The following PRRC2B variants were observed in gnomAD, a reference collection of about 807,000 sequenced individuals.
PRRC2B encodes the protein protein PRRC2B.
PRRC2B carries 68 observed loss-of-function variants against 242.3 expected under a neutral mutation model. The ratio of observed to expected loss-of-function variants is 0.28; its 90% CI spans 0.23 to 0.34. The LOEUF is 0.34. PRRC2B is among the 10% of genes least tolerant of loss of function. The pLI is 1.00. For missense variants in PRRC2B, 2,835 were observed against 2,954.8 expected (o/e 0.96, Z 0.94); for synonymous variants, 1,228 against 1,173.6 (o/e 1.05, Z -0.95).
At position 131,475,136 on chromosome 9, in the gene PRRC2B, T is replaced by C. The variant is rs1240226007; in HGVS notation, c.3007T>C (p.Leu1003=). 2 of 1,612,894 alleles carry C rather than the reference T, an allele frequency of 1.2e-6. No individual in the cohort carries two copies. The highest frequency in any genetic ancestry group is 2.2e-5 in the South Asian group (2 of 90,836). The change falls in exon 16 of 32, where the codon TTG becomes CTG. Residue 1003 remains leucine (L), a synonymous_variant. Coordinates refer to ENST00000683519, the MANE Select transcript of PRRC2B (RefSeq NM_013318.4). ...TCTGGCCAACTCCTCCACCACCACT[T>C]TGGAGGACAAAGGCCCTGGCCATGC... ...ASLANSSTTT[L]EDKGPGHATF... is the part of the protein sequence containing the mutation.
At chr9:131,401,150 GTT>G in intron 1 of PRRC2B, among the ~76,000 whole-genome samples, 1 of 151,850 alleles carries the variant, frequency 6.6e-6, no homozygotes, top group South Asian at 2.1e-4. Flanking sequence ...GTAAATAGGT[GTT>G]TTTTTCTTTA....
intron 2 of PRRC2B, among the ~76,000 whole-genome samples, chr9:131,431,922 T>G (rs1195705064): frequency 6.6e-6 from 1 of 152,034 alleles, no homozygotes; most frequent in Non-Finnish European, 1.5e-5. Flanking sequence ...TTTTAAAATT[T>G]ATTTATTTAT....
At chr9:131,465,299 G>C (rs1169842713) in intron 12 of PRRC2B, among the ~76,000 whole-genome samples, 3 of 152,154 alleles carry the variant, frequency 2.0e-5, no homozygotes, top group Admixed American at 2.0e-4. Flanking sequence ...TTTAGTTTCA[G>C]GGGGTACATT....
intron 22 of PRRC2B, 133 bp from the exon 23 acceptor site, chr9:131,483,226 A>G (rs180873012): frequency 1.2e-6 from 1 of 860,438 alleles, no homozygotes; most frequent in Admixed American, 2.2e-5. Flanking sequence ...CATCTCGCTC[A>G]TATGTGGCTC....
chr9:131,396,317 TTTC>T (rs1358253601), intron 1 of PRRC2B, among the ~76,000 whole-genome samples: 1 of 141,016 alleles, frequency 7.1e-6, no homozygotes, highest in Admixed American at 7.2e-5. Flanking sequence ...TCTTTTTTCT[TTTC>T]TTTTCTTTTT....
chr9:131,395,944 T>C (rs1253008379), intron 1 of PRRC2B, among the ~76,000 whole-genome samples: 2 of 152,208 alleles, frequency 1.3e-5, no homozygotes, highest in Non-Finnish European at 2.9e-5. Context: ...ATAACTGCTT[T>C]CCTTGGGGAT....
At chr9:131,420,499 T>TCTTTCTTTCTTTCCTTTC (rs889470295) in intron 1 of PRRC2B, among the ~76,000 whole-genome samples, 1 of 84,494 alleles carries the variant, frequency 1.2e-5, no homozygotes. Flanking sequence ...CTTTCTTTTT[T>TCTTTCTTTCTTTCCTTTC]TTTTTTTTTT....
chr9:131,399,700 CTG>C (rs575296778), intron 1 of PRRC2B, among the ~76,000 whole-genome samples: 87 of 152,330 alleles, frequency 5.7e-4, no homozygotes, highest in African/African-American at 2.1e-3. Context: ...CTGATAATGT[CTG>C]TGTTTTCTAA....
upstream of PRRC2B, among the ~76,000 whole-genome samples, chr9:131,389,666 A>C (rs1272014629): frequency 6.7e-6 from 1 of 149,936 alleles, no homozygotes; most frequent in Non-Finnish European, 1.5e-5. Flanking sequence ...TGGTTTTGTG[A>C]GCCGTGTGTT....
intron 4 of PRRC2B, among the ~76,000 whole-genome samples, chr9:131,437,349 T>C (rs1838408079): frequency 6.6e-6 from 1 of 152,186 alleles, no homozygotes; most frequent in South Asian, 2.1e-4. Context: ...CATTTGTTGA[T>C]ATGTTTTAAG....
chr9:131,478,615 T>TG lies in PRRC2B; in HGVS notation c.4755dup (p.Gln1586AlafsTer30). 1.9e-6 allele frequency: 1 copy of TG among 537,496 alleles called. No homozygotes were observed. 33.3% of individuals were successfully genotyped at this position (537,496 alleles called of 1,614,324 possible). A position where few individuals can be genotyped will look rare whatever the true frequency, so the allele number is the denominator to read the frequency against. Reference sequence around the variant, plus strand: ...GAGAGAAGAAAGAAGGAGCAGGCCGTGCAGGTGAGGGGCGGAGGGTGGGGG... The same window carrying TG: ...GAGAGAAGAAAGAAGGAGCAGGCCGTGGCAGGTGAGGGGCGGAGGGTGGGGG... On this transcript the variant is annotated frameshift_variant, in exon 18 of 32. Transcript: ENST00000683519. LOFTEE classifies it high-confidence loss of function.
At position 131,491,449 on chromosome 9, in the gene PRRC2B, G is replaced by A. The variant is rs557529534; in HGVS notation, c.6250G>A (p.Gly2084Ser). The A allele has an allele frequency of 5.4e-5, 87 of 1,608,356 alleles. 1 individual carries two copies. The highest frequency in any genetic ancestry group is 3.0e-4 in the Admixed American group (18 of 59,630). ...PQLTMPLPRYGSGQQPLILPQ... is the reference protein window; with the variant it reads ...PQLTMPLPRYSSGQQPLILPQ... ...GCTGACCATGCCACTGCCTCGGTAC[G>A]GCTCCGGGCAGCAGCCACTGATCCT... The change falls in exon 29 of 32, where the codon GGC becomes AGC. Residue 2084 changes from glycine to serine, a missense_variant. Gly to Ser is a moderately conservative substitution (Grantham distance 56). Around this residue, in one of 7 missense-constraint regions of PRRC2B, gnomAD observed 574 missense variants for 626.0 expected, o/e 0.92. Coordinates refer to ENST00000683519, the MANE Select transcript of PRRC2B (RefSeq NM_013318.4).
Position 131,382,206 on chromosome 9 carries a change from G to A in PRRC2B, c.-56+8475G>A, listed in dbSNP as rs146401849. Among the ~76,000 whole-genome samples the A allele has an allele frequency of 1.9e-3, 288 of 152,144 alleles. 2 individuals carry two copies. The highest frequency in any genetic ancestry group is 6.6e-3 in the African/African-American group (272 of 41,498). On this transcript the variant is annotated intron_variant, in intron 1 of 1. Coordinates refer to the PRRC2B transcript ENST00000682525. The stretch of plus-strand genomic sequence containing the variant: ...TAAGTTTTGTATTTTCAGTAGAGAC[G>A]GGGTTTCACTATGTTGGTCAGGATG...
chr9:131,375,348 G>A (rs186789715), intron 1 of PRRC2B, among the ~76,000 whole-genome samples: 224 of 152,084 alleles, frequency 1.5e-3, no homozygotes, highest in African/African-American at 5.1e-3. Flanking sequence ...GCAGTGAGCC[G>A]AGATTGCGTC....
intron 1 of PRRC2B, among the ~76,000 whole-genome samples, chr9:131,429,051 A>G (rs187114979): frequency 3.9e-5 from 6 of 152,192 alleles, no homozygotes; most frequent in Non-Finnish European, 7.4e-5. Flanking sequence ...GGTTCAAGCA[A>G]TTCTCCTGCC....
intron 1 of PRRC2B, among the ~76,000 whole-genome samples, chr9:131,381,032 T>C (rs1836753220): frequency 6.6e-6 from 1 of 152,178 alleles, no homozygotes; most frequent in Non-Finnish European, 1.5e-5. Context: ...CTCCAGGGCC[T>C]ACACTTCTGA....
chr9:131,386,701 A>G (rs1163681054), intron 1 of PRRC2B, among the ~76,000 whole-genome samples: 1 of 149,848 alleles, frequency 6.7e-6, no homozygotes, highest in Non-Finnish European at 1.5e-5. Flanking sequence ...CCATTCAACA[A>G]ACCAACCAAA....
At chr9:131,432,070 A>G (rs548198330) in intron 2 of PRRC2B, among the ~76,000 whole-genome samples, 41 of 152,268 alleles carry the variant, frequency 2.7e-4, no homozygotes, top group Admixed American at 5.2e-4. Context: ...CTGCAATTAC[A>G]CGTGTGAGCC....
In PRRC2B at chr9:131,470,934, G is replaced by A. The variant is rs368212276; in HGVS notation, c.2058G>A (p.Thr686=). 1.6e-4 allele frequency: 251 copies of A among 1,609,660 alleles called. No individual in the cohort carries two copies. Among genetic ancestry groups the A allele is most frequent in the Non-Finnish European group, 2.0e-4 (241 of 1,177,748 alleles). ...CTTCCTACATGGACCCACGTATCACGCCCACTCGGACCCCGGTGGACTTCT... is the reference window on the plus strand; with the variant it reads ...CTTCCTACATGGACCCACGTATCACACCCACTCGGACCCCGGTGGACTTCT... ...MMPSYMDPRI[T]PTRTPVDFYP... Residue 686 remains threonine, a synonymous_variant, in exon 14 of 32, where the codon ACG becomes ACA. Coordinates refer to ENST00000683519, the MANE Select transcript of PRRC2B (RefSeq NM_013318.4).
Sources: allele counts gnomAD v4.1 joint callset (sites outside exome capture counted in the v4.1 genomes callset), GRCh38; gene constraint gnomAD v4.1.1; regional missense constraint gnomAD v4.1.1; transcripts MANE v1.5; gene names NCBI Gene and HGNC (gene_info 2026-07-23, HGNC 2026-07-21).